The following MEF2A variants were observed in gnomAD, a reference collection of about 807,000 sequenced individuals.
The protein encoded by MEF2A is myocyte enhancer factor 2A.
In MEF2A, 28 loss-of-function variants were observed where a neutral mutation model predicts 55.8. That is an observed-to-expected ratio of 0.50 (90% confidence interval 0.37 to 0.69). The LOEUF is 0.69. MEF2A is among the 30% of genes least tolerant of loss of function. MEF2A has a pLI of 0.00. For synonymous variants in MEF2A, 239 were observed against 227.1 expected (o/e 1.05, Z -0.47); for missense variants, 528 against 626.2 (o/e 0.84, Z 1.67).
chr15:99,711,969 A>C (rs8029516), intron 11 of MEF2A, among the ~76,000 whole-genome samples: 18,007 of 152,166 alleles, frequency 0.12, 3,322 homozygotes, highest in African/African-American at 0.4. Flanking sequence ...CTTGCACCTT[A>C]GAGGTGTTGC....
At chr15:99,693,072 A>G (rs1235805074) in intron 8 of MEF2A, among the ~76,000 whole-genome samples, 1 of 152,152 alleles carries the variant, frequency 6.6e-6, no homozygotes, top group Non-Finnish European at 1.5e-5. Context: ...AGGGATATGA[A>G]GCTTGTGGTA....
At chr15:99,678,128 A>G (rs1054838450) in intron 7 of MEF2A, among the ~76,000 whole-genome samples, 4 of 152,206 alleles carry the variant, frequency 2.6e-5, no homozygotes, top group African/African-American at 7.2e-5. Flanking sequence ...TCAATTCGAA[A>G]TATTTTCTAA....
chr15:99,670,407 G>T (rs758143211), intron 4 of MEF2A, among the ~76,000 whole-genome samples: 1 of 152,128 alleles, frequency 6.6e-6, no homozygotes, highest in Non-Finnish European at 1.5e-5. Flanking sequence ...AGGAGATCCA[G>T]ACCATCCTGG....
intron 4 of MEF2A, among the ~76,000 whole-genome samples, chr15:99,655,694 G>A (rs958003871): frequency 6.6e-6 from 1 of 151,986 alleles, no homozygotes; most frequent in African/African-American, 2.4e-5. Context: ...GAATGGAGAG[G>A]GGAGATTAAA....
At chr15:99,696,365 A>G (rs2056484175) in intron 8 of MEF2A, among the ~76,000 whole-genome samples, 1 of 152,200 alleles carries the variant, frequency 6.6e-6, no homozygotes. Flanking sequence ...CCAGGAAACA[A>G]ACTGGCAAAT....
At chr15:99,682,485 T>A (rs1425203778) in intron 7 of MEF2A, among the ~76,000 whole-genome samples, 1 of 152,178 alleles carries the variant, frequency 6.6e-6, no homozygotes. Flanking sequence ...ACCTCAAAAG[T>A]CTATCTGAAA....
At chr15:99,574,511 A>G (rs549346095) in intron 1 of MEF2A, among the ~76,000 whole-genome samples, 19 of 152,300 alleles carry the variant, frequency 1.2e-4, no homozygotes, top group African/African-American at 4.3e-4. Context: ...AGAGGGTCCC[A>G]TCTTGGGGTG....
At chr15:99,681,811 A>G (rs1158675002) in intron 7 of MEF2A, 1 of 152,172 alleles carries the variant, frequency 6.6e-6, no homozygotes, top group African/African-American at 2.4e-5. Flanking sequence ...TGCAGTAGTG[A>G]GAAGGGGGTA....
At chr15:99,636,339 C>A (rs1271893962) in intron 3 of MEF2A, among the ~76,000 whole-genome samples, 1 of 152,034 alleles carries the variant, frequency 6.6e-6, no homozygotes, top group Non-Finnish European at 1.5e-5. Flanking sequence ...TGCCTTTTCA[C>A]TTTCTTTTTT....
At position 99,716,233 on chromosome 15, in the gene MEF2A, A is replaced by C. The variant is rs2059140199; in HGVS notation, c.*3462A>C. Reference sequence around the variant, plus strand: ...GGTAAATGTTTGTAGTCAACAGTTCACACAAGAAGCTGTACACGGTTTGAT... The same window carrying C: ...GGTAAATGTTTGTAGTCAACAGTTCCCACAAGAAGCTGTACACGGTTTGAT... On this transcript the variant is annotated 3_prime_UTR_variant, in exon 12 of 12. Transcript: ENST00000557942. 1 of 265,862 alleles carries C rather than the reference A, an allele frequency of 3.8e-6. No individual in the cohort carries two copies. Among genetic ancestry groups the C allele is most frequent in the Middle Eastern group, 1.4e-3 (1 of 700 alleles). The allele number at this position is 265,862 out of a possible 1,614,324, so 16.5% of individuals were successfully genotyped here. A position where few individuals can be genotyped will look rare whatever the true frequency, so the allele number is the denominator to read the frequency against.
At chr15:99,620,824 T>C (rs1296589977) in intron 2 of MEF2A, 1 of 151,430 alleles carries the variant, frequency 6.6e-6, no homozygotes, top group African/African-American at 2.4e-5. Flanking sequence ...TTCCCCTTGC[T>C]CTGTAACCTC....
intron 4 of MEF2A, among the ~76,000 whole-genome samples, chr15:99,654,581 A>G (rs2570929): frequency 0.22 from 32,061 of 148,496 alleles, 4,087 homozygotes; most frequent in South Asian, 0.31. Flanking sequence ...TTAAAAAAAA[A>G]GGGGGGGGTA....
chr15:99,662,469 T>C (rs2048816151), intron 4 of MEF2A, among the ~76,000 whole-genome samples: 2 of 151,902 alleles, frequency 1.3e-5, no homozygotes, highest in African/African-American at 4.8e-5. Context: ...ACATGATTTC[T>C]TTTTTCCTCT....
intron 5 of MEF2A, among the ~76,000 whole-genome samples, chr15:99,673,316 C>T (rs566497998): frequency 1.3e-5 from 2 of 152,210 alleles, no homozygotes; most frequent in South Asian, 2.1e-4. Context: ...ATGTTGCTGA[C>T]CTTGCAGTTA....
chr15:99,710,932 G>T (rs992275839), intron 11 of MEF2A, among the ~76,000 whole-genome samples, 172 bp downstream of exon 11: 1 of 152,210 alleles, frequency 6.6e-6, no homozygotes, highest in African/African-American at 2.4e-5. Flanking sequence ...GCTCTAGACA[G>T]TAGCTTGGAT....
intron 3 of MEF2A, among the ~76,000 whole-genome samples, chr15:99,644,982 T>C (rs1267519622): frequency 3.3e-5 from 5 of 152,126 alleles, no homozygotes; most frequent in Non-Finnish European, 7.4e-5. Context: ...ATAAAGGGTG[T>C]AAATAAAAAA....
intron 7 of MEF2A, among the ~76,000 whole-genome samples, chr15:99,675,857 G>A (rs983155705): frequency 1.3e-5 from 2 of 152,082 alleles, no homozygotes; most frequent in Admixed American, 6.5e-5. Flanking sequence ...GGGCAACACT[G>A]TGAAACCCTG....
intron 8 of MEF2A, among the ~76,000 whole-genome samples, chr15:99,693,807 A>C (rs1193575804): frequency 6.6e-6 from 1 of 152,240 alleles, no homozygotes. Flanking sequence ...TGAACAGTGG[A>C]AATGGAATAA....
At chr15:99,611,228 C>T (rs946696414) in intron 2 of MEF2A, among the ~76,000 whole-genome samples, 2 of 152,132 alleles carry the variant, frequency 1.3e-5, no homozygotes, top group Admixed American at 6.5e-5. Context: ...GATGACAGAA[C>T]GAGACTCTGT....
Sources: allele counts gnomAD v4.1 joint callset (sites outside exome capture counted in the v4.1 genomes callset), GRCh38; gene constraint gnomAD v4.1.1; transcripts MANE v1.5; gene names NCBI Gene and HGNC (gene_info 2026-07-23, HGNC 2026-07-21).